Variants in SYNPR observed in about 807,000 individuals in gnomAD.
SYNPR encodes synaptoporin.
Under a neutral mutation model 32.9 loss-of-function variants are expected in SYNPR, and 23 were observed. That is an observed-to-expected ratio of 0.70 (90% CI 0.50 to 0.99). SYNPR has a LOEUF of 0.99. Ranked by LOEUF, SYNPR falls within the 50% of genes least tolerant of loss-of-function variation. The pLI is 0.00. For missense variants in SYNPR, 318 were observed against 349.3 expected (o/e 0.91, Z 0.71); for synonymous variants, 146 against 135.9 (o/e 1.07, Z -0.52).
At chr3:63,277,144 T>A (rs1019021830), upstream of SYNPR, among the ~76,000 whole-genome samples, 5 of 152,244 alleles carry the variant, frequency 3.3e-5, no homozygotes, top group East Asian at 3.9e-4. Flanking sequence ...TTTCTGATTT[T>A]AAAAAAATCA....
intron 2 of SYNPR, among the ~76,000 whole-genome samples, chr3:63,356,626 A>G (rs1213596560): frequency 6.6e-6 from 1 of 152,172 alleles, no homozygotes; most frequent in Non-Finnish European, 1.5e-5. Context: ...AACTCATTGC[A>G]TTTATTATTG....
At chr3:63,453,861 A>G (rs1319059876) in intron 2 of SYNPR, among the ~76,000 whole-genome samples, 1 of 152,188 alleles carries the variant, frequency 6.6e-6, no homozygotes, top group Non-Finnish European at 1.5e-5. Flanking sequence ...GTACTACAAT[A>G]AATAAATCAC....
intron 2 of SYNPR, among the ~76,000 whole-genome samples, chr3:63,354,624 AGTGTGCATGTAACAGAG>A (rs1335332205): frequency 6.6e-6 from 1 of 152,208 alleles, no homozygotes; most frequent in Non-Finnish European, 1.5e-5. Context: ...GGAGAAGTGA[AGTGTGCATGTAACAGAG>A]GGTTATTTTG....
intron 2 of SYNPR, among the ~76,000 whole-genome samples, chr3:63,347,834 T>TTG (rs1055578154): frequency 1.3e-5 from 2 of 151,744 alleles, no homozygotes; most frequent in African/African-American, 2.4e-5. Flanking sequence ...TAGTATTCCA[T>TTG]TGTGTGTGTG....
At chr3:63,365,186 G>C (rs1027648344) in intron 2 of SYNPR, among the ~76,000 whole-genome samples, 44 of 152,182 alleles carry the variant, frequency 2.9e-4, no homozygotes, top group Non-Finnish European at 2.2e-4. Flanking sequence ...TATTGGCAAA[G>C]GGATGAAGTT....
intron 2 of SYNPR, among the ~76,000 whole-genome samples, chr3:63,298,600 C>A (rs749333239): frequency 6.6e-6 from 1 of 152,128 alleles, no homozygotes; most frequent in African/African-American, 2.4e-5. Context: ...CAAAAAGGTA[C>A]ACAGTAAGCT....
chr3:63,218,312 C>G, the SYNPR span, among the ~76,000 whole-genome samples: 3 of 152,258 alleles, frequency 2.0e-5, no homozygotes, highest in Admixed American at 6.5e-5. Flanking sequence ...CCCCATTGTT[C>G]TCTAAAAGTT....
intron 2 of SYNPR, among the ~76,000 whole-genome samples, chr3:63,446,747 C>G (rs944369166): frequency 6.6e-6 from 1 of 152,056 alleles, no homozygotes. Flanking sequence ...TAAAAACAAA[C>G]AAACAAACCG....
At chr3:63,348,415 A>G (rs763670809) in intron 2 of SYNPR, among the ~76,000 whole-genome samples, 32 of 151,988 alleles carry the variant, frequency 2.1e-4, no homozygotes, top group Non-Finnish European at 4.3e-4. Context: ...GGTTCCTTGT[A>G]AATTCTGGAT....
intron 2 of SYNPR, among the ~76,000 whole-genome samples, chr3:63,409,435 C>T (rs1033204929): frequency 6.6e-6 from 1 of 152,094 alleles, no homozygotes; most frequent in African/African-American, 2.4e-5. Flanking sequence ...TGCTGTGCTG[C>T]ATCCATTCAC....
chr3:63,536,579 T>G (rs1702212774), intron 3 of SYNPR, among the ~76,000 whole-genome samples: 1 of 152,194 alleles, frequency 6.6e-6, no homozygotes, highest in East Asian at 1.9e-4. Flanking sequence ...CATATGATTA[T>G]GTTACCACTA....
At chr3:63,512,763 C>G (rs1363922509) in intron 3 of SYNPR, among the ~76,000 whole-genome samples, 1 of 152,178 alleles carries the variant, frequency 6.6e-6, no homozygotes, top group Non-Finnish European at 1.5e-5. Context: ...CTGCTTGACA[C>G]CTGTGTCCTA....
chr3:63,264,606 G>A (rs2086465335), intron 2 of SYNPR, among the ~76,000 whole-genome samples: 1 of 152,108 alleles, frequency 6.6e-6, no homozygotes, highest in Admixed American at 6.6e-5. Context: ...TTTGTTTTCC[G>A]TGAAGTAAGT....
At chr3:63,242,016 T>C (rs1406597396) in intron 1 of SYNPR, among the ~76,000 whole-genome samples, 1 of 152,080 alleles carries the variant, frequency 6.6e-6, no homozygotes, top group Non-Finnish European at 1.5e-5. Context: ...TGTGGAAGAA[T>C]CTTTCTGTAA....
chr3:63,553,274 C>CT (rs1261638341), intron 3 of SYNPR, among the ~76,000 whole-genome samples: 3 of 152,148 alleles, frequency 2.0e-5, no homozygotes, highest in Non-Finnish European at 4.4e-5. Context: ...TAATTTCATT[C>CT]TTTTTTTATA....
intron 2 of SYNPR, among the ~76,000 whole-genome samples, chr3:63,379,332 T>C (rs946327931): frequency 6.6e-6 from 1 of 152,196 alleles, no homozygotes; most frequent in Admixed American, 6.5e-5. Flanking sequence ...GATTAGATTC[T>C]GTTGGTTGGT....
chr3:63,454,804 G>A (rs1220760205), intron 2 of SYNPR, among the ~76,000 whole-genome samples: 1 of 152,046 alleles, frequency 6.6e-6, no homozygotes, highest in Non-Finnish European at 1.5e-5. Flanking sequence ...GGTGGGGAAT[G>A]GTTGAGGTTA....
intron 4 of SYNPR, among the ~76,000 whole-genome samples, chr3:63,581,576 G>A (rs1341904622): frequency 3.3e-5 from 5 of 152,046 alleles, no homozygotes; most frequent in Admixed American, 6.6e-5. Flanking sequence ...GCATAAGCAC[G>A]AGTATGCGTC....
chr3:63,388,998 A>C (rs779379390), intron 2 of SYNPR, among the ~76,000 whole-genome samples: 18 of 152,122 alleles, frequency 1.2e-4, no homozygotes, highest in Non-Finnish European at 1.6e-4. Context: ...GCATAAGGAG[A>C]TTTAGAGTTT....
Sources: gnomAD v4.1 joint callset for allele counts (sites outside exome capture counted in the v4.1 genomes callset) on GRCh38, gnomAD v4.1.1 for gene constraint, MANE v1.5 for transcripts, NCBI Gene and HGNC (gene_info 2026-07-23, HGNC 2026-07-21) for gene names.